VPS13B: variants seen among roughly 807,000 people sequenced by gnomAD.
The protein encoded by VPS13B is intermembrane lipid transfer protein VPS13B.
Under a neutral mutation model 426.4 loss-of-function variants are expected in VPS13B, and 285 were observed. The observed-to-expected ratio is 0.67, with a 90% CI of 0.61 to 0.74. VPS13B has a LOEUF of 0.74. Among genes scored for constraint, VPS13B ranks in the 30% least tolerant of loss-of-function variants. The pLI is 0.00. For synonymous variants in VPS13B, 1,676 were observed against 1,676.4 expected (o/e 1.00, Z 0.01); for missense variants, 4,537 against 4,782.6 (o/e 0.95, Z 1.51).
In VPS13B at chr8:99,355,763, C is replaced by T. The variant is rs967714641; in HGVS notation, c.2825-28445C>T. Among the ~76,000 whole-genome samples, 10 of 152,148 alleles carry T rather than the reference C, an allele frequency of 6.6e-5. No homozygotes were observed. The East Asian group carries it at 1.9e-3, about 29-fold the overall frequency. Reference sequence around the variant, plus strand: ...GTACTTGACTGGTCGTATGTCAGCTCACATATCAGTTTCATAGGCATTTGT... The same window carrying T: ...GTACTTGACTGGTCGTATGTCAGCTTACATATCAGTTTCATAGGCATTTGT... On this transcript the variant is annotated intron_variant, in intron 19 of 61. Transcript: ENST00000357162.
intron 58 of VPS13B, among the ~76,000 whole-genome samples, chr8:99,867,323 G>A (rs1274348806): frequency 6.6e-6 from 1 of 152,182 alleles, no homozygotes; most frequent in Admixed American, 6.5e-5. Context: ...TAGCAAAGGG[G>A]CCGTATCCAC....
At chr8:99,358,750 A>G (rs940374486) in intron 19 of VPS13B, among the ~76,000 whole-genome samples, 1 of 152,150 alleles carries the variant, frequency 6.6e-6, no homozygotes, top group East Asian at 1.9e-4. Context: ...TGTCTGCTGT[A>G]CCCTGCCTTT....
chr8:99,730,398 G>A (rs1489488748), intron 39 of VPS13B, among the ~76,000 whole-genome samples: 1 of 152,142 alleles, frequency 6.6e-6, no homozygotes, highest in Non-Finnish European at 1.5e-5. Context: ...TAACGGTGCT[G>A]GATCAACTGC....
chr8:99,068,793 C>A (rs2132326424), intron 3 of VPS13B, among the ~76,000 whole-genome samples: 1 of 152,210 alleles, frequency 6.6e-6, no homozygotes, highest in South Asian at 2.1e-4. Context: ...ATGGGGGAAA[C>A]CATCCCTGTG....
chr8:99,016,110 T>A (rs1354876789), intron 2 of VPS13B, among the ~76,000 whole-genome samples: 1 of 152,250 alleles, frequency 6.6e-6, no homozygotes, highest in African/African-American at 2.4e-5. Context: ...GCATAAAGAT[T>A]CCACAATTTA....
rs762085583 is a variant in VPS13B at position 99,121,238 on chromosome 8, A to G, written c.999A>G (p.Leu333=). Residue 333 remains leucine, a synonymous_variant, in exon 8 of 62, where the codon TTA becomes TTG. Coordinates refer to ENST00000357162, the MANE Select transcript of VPS13B (RefSeq NM_152564.5). ...CTGCTCAGCATAAAGGTCAAGAGTT[A>G]TATTCACAGCAAGATGAGGAGCAGC... The part of the protein sequence containing the change: ...QYPAQHKGQE[L]YSQQDEEQPQ... 3 of 1,614,154 alleles carry G rather than the reference A, an allele frequency of 1.9e-6. No individual in the cohort carries two copies. The highest frequency in any genetic ancestry group is 3.3e-5 in the Admixed American group (2 of 60,024).
At chr8:99,081,472 C>T (rs201537135) in intron 3 of VPS13B, among the ~76,000 whole-genome samples, 4 of 152,002 alleles carry the variant, frequency 2.6e-5, no homozygotes, top group East Asian at 1.9e-4. Context: ...ACGTGCACAA[C>T]GTGCAGGTTT....
intron 51 of VPS13B, among the ~76,000 whole-genome samples, chr8:99,830,600 G>A (rs917374222): frequency 2.0e-5 from 3 of 152,152 alleles, no homozygotes; most frequent in Non-Finnish European, 2.9e-5. Context: ...CCTTTCCAGG[G>A]GAGTGAACGA....
In VPS13B at chr8:99,809,439, A is replaced by G. The variant is rs1467186446; in HGVS notation, c.8006A>G (p.His2669Arg). The change falls in exon 44 of 62, where the codon CAT (histidine) becomes CGT (arginine). Residue 2669 changes from histidine (H) to arginine (R), a missense_variant. By Grantham distance (29) the His-to-Arg change is conservative. Around this residue, in one of 2 missense-constraint regions of VPS13B, gnomAD observed 4,311 missense variants for 4,474.3 expected, o/e 0.96. Transcript: ENST00000357162. ...WRWSEPFSVD[H>R]AGTFIRTIQY... The stretch of plus-strand genomic sequence containing the variant: ...TGGTCAGAGCCTTTCAGTGTGGACC[A>G]TGCCGGGACTTTTATTAGAACAATT... 14 of 1,614,038 alleles carry G rather than the reference A, an allele frequency of 8.7e-6. 1 individual carries two copies. In the South Asian group the frequency reaches 1.5e-4, roughly 18 times the overall value.
At chr8:99,535,299 T>A (rs1219097610) in intron 30 of VPS13B, among the ~76,000 whole-genome samples, 1 of 152,242 alleles carries the variant, frequency 6.6e-6, no homozygotes, top group Non-Finnish European at 1.5e-5. Flanking sequence ...TAAATATATA[T>A]GCTTACTTTA....
intron 12 of VPS13B, among the ~76,000 whole-genome samples, chr8:99,142,645 C>G (rs1446031872): frequency 1.3e-5 from 2 of 152,034 alleles, no homozygotes; most frequent in Non-Finnish European, 2.9e-5. Context: ...CAAAGTACCC[C>G]CTCTCAGTCA....
At chr8:99,128,006 T>C (rs1809525717) in intron 8 of VPS13B, among the ~76,000 whole-genome samples, 1 of 152,116 alleles carries the variant, frequency 6.6e-6, no homozygotes, top group Non-Finnish European at 1.5e-5. Flanking sequence ...TAGATATTTA[T>C]TTGGAAAGGA....
chr8:99,233,162 C>T lies in VPS13B; in HGVS notation c.2515+40105C>T, dbSNP rs373738870. On this transcript the variant is annotated intron_variant, in intron 17 of 61. Coordinates refer to ENST00000357162, the MANE Select transcript of VPS13B (RefSeq NM_152564.5). ...GCAGTCTGGCTAGCAAAGAAGTGCCCGATAATTCTGATGATCACTTCCTCA... is the reference window on the plus strand; with the variant it reads ...GCAGTCTGGCTAGCAAAGAAGTGCCTGATAATTCTGATGATCACTTCCTCA... 1.7e-4 allele frequency: 233 copies of T among 1,404,000 alleles called. No individual in the cohort carries two copies. The African/African-American group carries it at 2.7e-3, about 17-fold the overall frequency. 87.0% of individuals were successfully genotyped at this position (1,404,000 alleles called of 1,614,324 possible).
intron 20 of VPS13B, among the ~76,000 whole-genome samples, chr8:99,390,110 T>G (rs1486554352): frequency 6.6e-6 from 1 of 151,854 alleles, no homozygotes; most frequent in African/African-American, 2.4e-5. Context: ...ATTTTTTTTT[T>G]TTTTTGAGAT....
intron 14 of VPS13B, among the ~76,000 whole-genome samples, chr8:99,148,492 TAATAA>T (rs1411812669): frequency 2.0e-5 from 3 of 152,168 alleles, no homozygotes; most frequent in East Asian, 3.8e-4. Flanking sequence ...TTTATATTTT[TAATAA>T]AATAAACTTA....
chr8:99,726,455 T>A (rs772320309), intron 39 of VPS13B, among the ~76,000 whole-genome samples: 38 of 152,196 alleles, frequency 2.5e-4, no homozygotes, highest in Non-Finnish European at 4.6e-4. Context: ...AGGATTCCAT[T>A]TTGGAAATGC....
chr8:99,459,247 T>C (rs866244731), intron 23 of VPS13B, among the ~76,000 whole-genome samples: 2 of 152,208 alleles, frequency 1.3e-5, no homozygotes, highest in African/African-American at 4.8e-5. Flanking sequence ...TTGAGTTGGT[T>C]GATAATCCTG....
chr8:99,854,408 A>G (rs569799304), intron 56 of VPS13B, 152 bp downstream of exon 56: 6 of 940,410 alleles, frequency 6.4e-6, no homozygotes, highest in African/African-American at 3.3e-5. Flanking sequence ...ATCTAAATCT[A>G]GAGCCTGCCA....
At chr8:99,537,061 A>T (rs558342756) in intron 30 of VPS13B, among the ~76,000 whole-genome samples, 1 of 152,194 alleles carries the variant, frequency 6.6e-6, no homozygotes, top group Non-Finnish European at 1.5e-5. Context: ...AAAATCAAAT[A>T]TGTTTTGATT....
Sources: gnomAD v4.1 joint callset for allele counts (sites outside exome capture counted in the v4.1 genomes callset) on GRCh38, gnomAD v4.1.1 for gene constraint, gnomAD v4.1.1 regional missense constraint, MANE v1.5 for transcripts, NCBI Gene and HGNC (gene_info 2026-07-23, HGNC 2026-07-21) for gene names.